The following PCCA variants were observed in gnomAD, a reference collection of about 807,000 sequenced individuals.
PCCA encodes propionyl-CoA carboxylase alpha chain, mitochondrial.
A neutral mutation model predicts 101.3 loss-of-function variants in PCCA; 74 were observed. The ratio of observed to expected loss-of-function variants is 0.73; its 90% CI spans 0.61 to 0.89. The LOEUF (loss-of-function observed/expected upper bound fraction) is 0.89, where lower values mean the gene tolerates loss of function less well. Ranked by LOEUF, PCCA falls within the 40% of genes least tolerant of loss-of-function variation. The pLI is 0.00. For missense variants in PCCA, 891 were observed against 907.0 expected, an observed-to-expected ratio of 0.98 and a Z score of 0.23; for synonymous variants, 294 against 313.6, an observed-to-expected ratio of 0.94 and a Z score of 0.66.
rs1490922990 is a variant in PCCA at position 100,419,805 on chromosome 13, C to T, written c.1747-5828C>T. On this transcript the variant is annotated intron_variant, in intron 19 of 23. Transcript: ENST00000376285. ...TTAGGCGAGAAAATAAGGACTTGGG[C>T]CTATGGCTTCGATTTTGGTAAAGAG... Among the ~76,000 whole-genome samples, 6 of 152,112 alleles carry T rather than the reference C, an allele frequency of 3.9e-5. 1 individual carries two copies. In the East Asian group the frequency reaches 1.2e-3, roughly 29 times the overall value.
In PCCA at chr13:100,355,922, G is replaced by A. The variant is rs552344244; in HGVS notation, c.1644-12550G>A. ...GTGGTACTGGCGTAAGCATAGACAT[G>A]TTGATCAATGGAATAGAATCGAGAC... On this transcript the variant is annotated intron_variant, in intron 18 of 23. Coordinates refer to ENST00000376285, the MANE Select transcript of PCCA (RefSeq NM_000282.4). 7.9e-5 allele frequency among the ~76,000 whole-genome samples: 12 copies of A among 152,228 alleles called. No homozygotes were observed. The South Asian group carries it at 2.3e-3, about 29-fold the overall frequency.
intron 20 of PCCA, among the ~76,000 whole-genome samples, chr13:100,448,028 A>C (rs139395124): frequency 1.6e-3 from 237 of 152,344 alleles, no homozygotes; most frequent in Non-Finnish European, 2.9e-3. Flanking sequence ...AGTGAAAGCC[A>C]CTAATACTCT....
At chr13:100,388,533 C>T (rs777311644) in intron 19 of PCCA, among the ~76,000 whole-genome samples, 1 of 152,210 alleles carries the variant, frequency 6.6e-6, no homozygotes, top group Non-Finnish European at 1.5e-5. Context: ...CAATGGCTCA[C>T]GCCTGTAATC....
chr13:100,302,875 T>C (rs1261939054), intron 13 of PCCA, 49 bp from the exon 14 acceptor site: 2 of 1,013,206 alleles, frequency 2.0e-6, no homozygotes, highest in South Asian at 1.3e-5. Flanking sequence ...ACCTTACTTG[T>C]GCTGATTTAT....
chr13:100,279,677 T>A (rs912390572), intron 12 of PCCA, among the ~76,000 whole-genome samples: 3 of 152,158 alleles, frequency 2.0e-5, no homozygotes, highest in African/African-American at 7.2e-5. Flanking sequence ...GGTTTTACCA[T>A]GTTGGCCAGG....
intron 19 of PCCA, among the ~76,000 whole-genome samples, chr13:100,403,358 T>G (rs912123933): frequency 2.4e-4 from 37 of 152,164 alleles, no homozygotes; most frequent in Admixed American, 2.6e-4. Flanking sequence ...TACCTGAGAC[T>G]GAGTAATTTA....
At chr13:100,301,671 A>G (rs2066070761) in intron 13 of PCCA, 68 bp downstream of exon 13, 1 of 1,533,912 alleles carries the variant, frequency 6.5e-7, no homozygotes. Flanking sequence ...GGTATAGCCA[A>G]ACAATGAGGT....
At chr13:100,421,613 G>A (rs1016616419) in intron 19 of PCCA, among the ~76,000 whole-genome samples, 3 of 151,970 alleles carry the variant, frequency 2.0e-5, no homozygotes, top group African/African-American at 7.3e-5. Context: ...TTGCTGTGTG[G>A]TCTTCTGTAT....
chr13:100,383,455 A>G (rs2076337764), intron 19 of PCCA, among the ~76,000 whole-genome samples: 1 of 151,880 alleles, frequency 6.6e-6, no homozygotes, highest in Non-Finnish European at 1.5e-5. Flanking sequence ...AAAAAATTTT[A>G]TATGATTAGC....
chr13:100,194,519 G>A (rs1382835978), intron 6 of PCCA, among the ~76,000 whole-genome samples: 2 of 152,158 alleles, frequency 1.3e-5, no homozygotes, highest in Non-Finnish European at 2.9e-5. Flanking sequence ...CCGGGTTCAA[G>A]CAATTCTCCT....
intron 21 of PCCA, among the ~76,000 whole-genome samples, chr13:100,458,332 C>T (rs2081907692): frequency 1.9e-5 from 2 of 107,738 alleles, no homozygotes; most frequent in Non-Finnish European, 4.2e-5. Context: ...CACACACACA[C>T]ACACACACAC....
chr13:100,272,566 C>T (rs1357555960), intron 11 of PCCA, among the ~76,000 whole-genome samples: 2 of 150,866 alleles, frequency 1.3e-5, no homozygotes, highest in African/African-American at 4.9e-5. Flanking sequence ...CATGAAATGA[C>T]ACACACACAC....
At chr13:100,288,047 A>G (rs2064826364) in intron 12 of PCCA, among the ~76,000 whole-genome samples, 2 of 152,186 alleles carry the variant, frequency 1.3e-5, no homozygotes, top group South Asian at 2.1e-4. Context: ...ATTCCTCTAT[A>G]TATCTTTTCT....
chr13:100,302,419 A>C (rs537035975), intron 13 of PCCA, among the ~76,000 whole-genome samples: 1 of 151,936 alleles, frequency 6.6e-6, no homozygotes, highest in East Asian at 1.9e-4. Flanking sequence ...TATGACACTG[A>C]ACCTGTTTAT....
chr13:100,096,856 A>G (rs529579299), intron 1 of PCCA, among the ~76,000 whole-genome samples: 2 of 152,330 alleles, frequency 1.3e-5, no homozygotes, highest in East Asian at 1.9e-4. Context: ...GATGCTGCAG[A>G]AGAAAACTTG....
At chr13:100,524,467 TGAAG>T (rs1252848013) in intron 22 of PCCA, among the ~76,000 whole-genome samples, 1 of 151,564 alleles carries the variant, frequency 6.6e-6, no homozygotes, top group Non-Finnish European at 1.5e-5. Context: ...TTGTAAGGCA[TGAAG>T]GAAGTTTTTA....
At chr13:100,207,301 G>A (rs1479189795) in intron 6 of PCCA, among the ~76,000 whole-genome samples, 1 of 152,120 alleles carries the variant, frequency 6.6e-6, no homozygotes, top group African/African-American at 2.4e-5. Flanking sequence ...CTTTTGGGTA[G>A]GAGAGAAGCA....
chr13:100,389,376 A>T (rs1288598339), intron 19 of PCCA, among the ~76,000 whole-genome samples: 1 of 152,154 alleles, frequency 6.6e-6, no homozygotes, highest in Non-Finnish European at 1.5e-5. Flanking sequence ...TATCCTTAGG[A>T]AACTAATGCA....
At chr13:100,220,756 T>A (rs902106670) in intron 7 of PCCA, among the ~76,000 whole-genome samples, 2 of 152,198 alleles carry the variant, frequency 1.3e-5, no homozygotes, top group African/African-American at 4.8e-5. Context: ...ATTACATATT[T>A]AATGCATTTA....
Sources: gnomAD v4.1 joint callset for allele counts (sites outside exome capture counted in the v4.1 genomes callset) on GRCh38, gnomAD v4.1.1 for gene constraint, MANE v1.5 for transcripts, NCBI Gene and HGNC (gene_info 2026-07-23, HGNC 2026-07-21) for gene names.